The following WWOX variants were observed in gnomAD, a reference collection of about 807,000 sequenced individuals.
The protein encoded by WWOX is WW domain-containing oxidoreductase.
A neutral mutation model predicts 46.2 loss-of-function variants in WWOX; 69 were observed. That is an observed-to-expected ratio of 1.49 (90% confidence interval 1.23 to 1.82). The LOEUF (loss-of-function observed/expected upper bound fraction) is 1.82, where lower values mean the gene tolerates loss of function less well. Among genes scored for constraint, WWOX ranks in the 40% most tolerant of loss-of-function variants. WWOX has a pLI of 0.00. For missense variants in WWOX, 919 were observed against 542.6 expected (o/e 1.69, Z -6.89); for synonymous variants, 359 against 202.6 (o/e 1.77, Z -6.56).
chr16:78,747,109 C>A (rs2049365930), intron 8 of WWOX, among the ~76,000 whole-genome samples: 1 of 152,076 alleles, frequency 6.6e-6, no homozygotes, highest in Non-Finnish European at 1.5e-5. Context: ...CTGGGACCCA[C>A]AGAGCCTATA....
chr16:78,648,806 T>C (rs2046902411), intron 8 of WWOX, among the ~76,000 whole-genome samples: 1 of 152,202 alleles, frequency 6.6e-6, no homozygotes, highest in African/African-American at 2.4e-5. Context: ...CAACTGATGG[T>C]GGCTGACTGC....
At chr16:78,755,351 A>T (rs897328899) in intron 8 of WWOX, among the ~76,000 whole-genome samples, 1 of 152,158 alleles carries the variant, frequency 6.6e-6, no homozygotes, top group Non-Finnish European at 1.5e-5. Flanking sequence ...TAGAAAATGC[A>T]GTGGGTAGCC....
chr16:78,902,162 A>G (rs2044846394), intron 8 of WWOX, among the ~76,000 whole-genome samples: 1 of 152,182 alleles, frequency 6.6e-6, no homozygotes, highest in Non-Finnish European at 1.5e-5. Context: ...TTTCTTCTGG[A>G]GAATCGGGCA....
intron 8 of WWOX, among the ~76,000 whole-genome samples, chr16:78,549,250 C>G (rs978675401): frequency 1.3e-5 from 2 of 152,154 alleles, no homozygotes; most frequent in African/African-American, 4.8e-5. Flanking sequence ...CTGCCAGCCA[C>G]GAATAGATTC....
chr16:78,100,503 C>G (rs1229322749), intron 1 of WWOX, among the ~76,000 whole-genome samples: 6 of 152,228 alleles, frequency 3.9e-5, no homozygotes, highest in Admixed American at 3.9e-4. Context: ...GGCCACCTGC[C>G]TCAGCCTCCA....
intron 5 of WWOX, among the ~76,000 whole-genome samples, chr16:78,304,336 G>A (rs894081209): frequency 6.6e-6 from 1 of 152,138 alleles, no homozygotes; most frequent in African/African-American, 2.4e-5. Flanking sequence ...CATTGACATT[G>A]TTCAACATTC....
At chr16:78,379,642 C>T (rs2081910760) in intron 5 of WWOX, among the ~76,000 whole-genome samples, 1 of 152,194 alleles carries the variant, frequency 6.6e-6, no homozygotes, top group South Asian at 2.1e-4. Flanking sequence ...TTGAAGCATG[C>T]TCCGTAAGAC....
chr16:79,170,742 A>G (rs1450650515), intron 8 of WWOX, among the ~76,000 whole-genome samples: 2 of 151,480 alleles, frequency 1.3e-5, no homozygotes, highest in Non-Finnish European at 1.5e-5. Flanking sequence ...CTTTTTCTGT[A>G]TGTTTCTAAA....
intron 1 of WWOX, among the ~76,000 whole-genome samples, chr16:78,101,048 C>CT (rs111425708): frequency 0.12 from 18,269 of 147,784 alleles, 1,209 homozygotes; most frequent in East Asian, 0.27. Flanking sequence ...GAGGGTTTTT[C>CT]TTTTTTTTTT....
chr16:79,091,224 T>A (rs2048953635), intron 8 of WWOX, among the ~76,000 whole-genome samples: 1 of 152,136 alleles, frequency 6.6e-6, no homozygotes, highest in Non-Finnish European at 1.5e-5. Context: ...ACAAACAATG[T>A]GAACAACAAA....
intron 8 of WWOX, among the ~76,000 whole-genome samples, chr16:78,919,888 C>T (rs547353411): frequency 1.3e-5 from 2 of 152,204 alleles, no homozygotes; most frequent in Non-Finnish European, 2.9e-5. Flanking sequence ...CCAGTCTGTA[C>T]AGTTGATTAT....
intron 8 of WWOX, among the ~76,000 whole-genome samples, chr16:78,727,477 C>G (rs1417822368): frequency 1.3e-5 from 2 of 152,132 alleles, no homozygotes; most frequent in African/African-American, 2.4e-5. Context: ...ACAGAACTGC[C>G]AGGGTACGTG....
chr16:79,125,066 G>A (rs1275241577), intron 8 of WWOX, among the ~76,000 whole-genome samples: 1 of 148,630 alleles, frequency 6.7e-6, no homozygotes, highest in Non-Finnish European at 1.5e-5. Context: ...TTTTTTTAGG[G>A]ATAAATTTCT....
intron 5 of WWOX, among the ~76,000 whole-genome samples, chr16:78,352,505 A>C (rs1325728357): frequency 6.6e-6 from 1 of 152,090 alleles, no homozygotes; most frequent in Non-Finnish European, 1.5e-5. Context: ...AAAGCCAGGG[A>C]TGGCTGCTCA....
intron 8 of WWOX, among the ~76,000 whole-genome samples, chr16:79,047,455 A>T (rs943539174): frequency 5.3e-5 from 8 of 152,206 alleles, no homozygotes; most frequent in African/African-American, 1.4e-4. Context: ...AGCCTGGTCT[A>T]CCAAGGTTTA....
intron 8 of WWOX, among the ~76,000 whole-genome samples, chr16:79,194,879 T>A (rs752175855): frequency 9.2e-5 from 14 of 152,074 alleles, no homozygotes; most frequent in Non-Finnish European, 7.3e-5. Flanking sequence ...GAGTCTATGC[T>A]TTTTTCCCCC....
At chr16:78,594,900 T>C (rs1487170395) in intron 8 of WWOX, among the ~76,000 whole-genome samples, 2 of 152,216 alleles carry the variant, frequency 1.3e-5, no homozygotes, top group East Asian at 3.8e-4. Context: ...ATATTGCAAG[T>C]AAAGAATTAT....
At chr16:79,176,299 C>T (rs972037536) in intron 8 of WWOX, among the ~76,000 whole-genome samples, 1 of 152,158 alleles carries the variant, frequency 6.6e-6, no homozygotes, top group Non-Finnish European at 1.5e-5. Context: ...TTAGTGGTTC[C>T]ATTCTCCCTG....
intron 8 of WWOX, among the ~76,000 whole-genome samples, chr16:78,635,354 C>T (rs1398291017): frequency 2.0e-5 from 3 of 152,162 alleles, no homozygotes; most frequent in Admixed American, 1.3e-4. Context: ...ATCTAGGCCA[C>T]TCCCTTAGAT....
Sources: gnomAD v4.1 joint callset for allele counts (sites outside exome capture counted in the v4.1 genomes callset) on GRCh38, gnomAD v4.1.1 for gene constraint, MANE v1.5 for transcripts, NCBI Gene and HGNC (gene_info 2026-07-23, HGNC 2026-07-21) for gene names.